The following MEI4 variants were observed in gnomAD, a reference collection of about 807,000 sequenced individuals.
MEI4 encodes meiotic double-stranded break formation protein 4.
Under a neutral mutation model 31.4 loss-of-function variants are expected in MEI4, and 27 were observed. The ratio of observed to expected loss-of-function variants is 0.86; its 90% confidence interval spans 0.63 to 1.19. The LOEUF is 1.19. MEI4 is among the 50% of genes most tolerant of loss of function. The pLI, the probability that MEI4 is intolerant of heterozygous loss-of-function variation, is 0.00. For synonymous variants in MEI4, 122 were observed against 145.4 expected, an observed-to-expected ratio of 0.84 and a Z score of 1.16; for missense variants, 329 against 398.9, an observed-to-expected ratio of 0.82 and a Z score of 1.49.
At chr6:77,741,338 G>A (rs1767394726) in intron 2 of MEI4, among the ~76,000 whole-genome samples, 1 of 152,166 alleles carries the variant, frequency 6.6e-6, no homozygotes. Flanking sequence ...AGATTTTAAG[G>A]AGAGAATTTC....
intron 1 of MEI4, among the ~76,000 whole-genome samples, chr6:77,658,015 T>A (rs537992974): frequency 6.6e-6 from 1 of 152,340 alleles, no homozygotes; most frequent in African/African-American, 2.4e-5. Flanking sequence ...GGCTGTATAG[T>A]AGTTTTCATG....
intron 2 of MEI4, among the ~76,000 whole-genome samples, chr6:77,695,960 T>C (rs544501878): frequency 7.2e-5 from 11 of 152,342 alleles, no homozygotes; most frequent in Admixed American, 5.2e-4. Flanking sequence ...TTTGTAGTTC[T>C]CCTTGAAGAG....
In MEI4 at chr6:77,761,116, C is replaced by A. The variant is rs1192276124; in HGVS notation, c.233-14C>A. The A allele has an allele frequency of 5.7e-6, 7 of 1,231,148 alleles. No individual in the cohort carries two copies. Among genetic ancestry groups the A allele is most frequent in the Non-Finnish European group, 7.1e-6 (7 of 987,228 alleles). The allele number at this position is 1,231,148 out of a possible 1,614,324, so 76.3% of individuals were successfully genotyped here. A position where few individuals can be genotyped will look rare whatever the true frequency, so the allele number is the denominator to read the frequency against. On this transcript the variant is annotated splice_polypyrimidine_tract_variant and intron_variant, in intron 2 of 4. Coordinates refer to ENST00000684080, the MANE Select transcript of MEI4 (RefSeq NM_001322247.2). ...GCTGCATGAAGATAATCCTTCTATTCCTTTATTTTTCAGGATACGTTTCCT... is the reference window on the plus strand; with the variant it reads ...GCTGCATGAAGATAATCCTTCTATTACTTTATTTTTCAGGATACGTTTCCT...
At chr6:77,831,827 G>C (rs1320898665) in intron 4 of MEI4, among the ~76,000 whole-genome samples, 2 of 151,848 alleles carry the variant, frequency 1.3e-5, no homozygotes, top group African/African-American at 2.4e-5. Context: ...GTATTCAATA[G>C]TACAGTTAGT....
chr6:77,656,525 C>A (rs994328649), intron 1 of MEI4, among the ~76,000 whole-genome samples: 2 of 151,972 alleles, frequency 1.3e-5, no homozygotes, highest in Non-Finnish European at 2.9e-5. Flanking sequence ...GTATTTATTT[C>A]TATCTTCACA....
intron 2 of MEI4, among the ~76,000 whole-genome samples, chr6:77,713,099 G>T (rs1462111653): frequency 6.6e-6 from 1 of 152,052 alleles, no homozygotes; most frequent in East Asian, 1.9e-4. Context: ...AGAGTCAGAA[G>T]AATCTGAATT....
intron 2 of MEI4, among the ~76,000 whole-genome samples, chr6:77,700,465 G>C (rs1766190317): frequency 6.6e-6 from 1 of 152,368 alleles, no homozygotes; most frequent in African/African-American, 2.4e-5. Context: ...TTGGATGGGA[G>C]TGACCCGATT....
intron 2 of MEI4, among the ~76,000 whole-genome samples, chr6:77,693,509 G>A (rs992403722): frequency 6.6e-6 from 1 of 152,064 alleles, no homozygotes; most frequent in Non-Finnish European, 1.5e-5. Context: ...CAGTTACAGT[G>A]CCTGTGAGAA....
intron 1 of MEI4, among the ~76,000 whole-genome samples, chr6:77,671,835 C>T (rs1271817736): frequency 6.6e-6 from 1 of 151,988 alleles, no homozygotes; most frequent in Non-Finnish European, 1.5e-5. Flanking sequence ...TTAGGTATGC[C>T]CAGAGGGATG....
At chr6:77,850,173 C>T (rs13211090) in intron 4 of MEI4, among the ~76,000 whole-genome samples, 21,319 of 152,036 alleles carry the variant, frequency 0.14, 1,780 homozygotes, top group East Asian at 0.4. Flanking sequence ...CCTTCACATC[C>T]CTTGTAAGTT....
intron 1 of MEI4, among the ~76,000 whole-genome samples, chr6:77,664,042 C>G (rs1472767234): frequency 6.6e-6 from 1 of 152,198 alleles, no homozygotes; most frequent in African/African-American, 2.4e-5. Context: ...GGAGGAGGTT[C>G]TGGAGGAACG....
chr6:77,867,850 A>T (rs543862085), intron 4 of MEI4, among the ~76,000 whole-genome samples: 3 of 152,344 alleles, frequency 2.0e-5, no homozygotes, highest in African/African-American at 7.2e-5. Flanking sequence ...GGATTAAGCA[A>T]ATGTGACACA....
intron 4 of MEI4, among the ~76,000 whole-genome samples, chr6:77,833,102 T>G (rs1382605025): frequency 6.6e-6 from 1 of 152,160 alleles, no homozygotes; most frequent in Admixed American, 6.5e-5. Context: ...TTATTGTCTT[T>G]TCTTTATCAA....
intron 2 of MEI4, among the ~76,000 whole-genome samples, chr6:77,711,772 ACT>A (rs1766471541): frequency 6.6e-6 from 1 of 152,102 alleles, no homozygotes; most frequent in African/African-American, 2.4e-5. Flanking sequence ...TGTTTCTTCT[ACT>A]CTCAGAACTA....
At chr6:77,835,407 T>TAAA (rs1298674478) in intron 4 of MEI4, among the ~76,000 whole-genome samples, 3 of 75,958 alleles carry the variant, frequency 3.9e-5, no homozygotes, top group Admixed American at 2.9e-4. Flanking sequence ...CACACACAAA[T>TAAA]AAAAAAAAAA....
chr6:77,659,924 A>C (rs569917907), intron 1 of MEI4, among the ~76,000 whole-genome samples: 9 of 152,320 alleles, frequency 5.9e-5, no homozygotes, highest in Non-Finnish European at 1.2e-4. Flanking sequence ...AGAGGTCCAA[A>C]TATGGGGGGA....
chr6:77,850,940 G>GA, intron 4 of MEI4, among the ~76,000 whole-genome samples: 2 of 151,954 alleles, frequency 1.3e-5, no homozygotes, highest in Admixed American at 6.5e-5. Context: ...AAATTTACAA[G>GA]AAAAAAACGA....
intron 4 of MEI4, among the ~76,000 whole-genome samples, chr6:77,905,546 G>C (rs1370343522): frequency 7.7e-6 from 1 of 129,134 alleles, no homozygotes; most frequent in Admixed American, 9.6e-5. Flanking sequence ...TCCCAGGCTG[G>C]AGTGCAGTGG....
intron 4 of MEI4, among the ~76,000 whole-genome samples, chr6:77,849,880 A>T (rs1420902116): frequency 6.6e-6 from 1 of 152,220 alleles, no homozygotes; most frequent in Non-Finnish European, 1.5e-5. Context: ...AGCATTATCC[A>T]TAAATATTTA....
Sources: gnomAD v4.1 joint callset for allele counts (sites outside exome capture counted in the v4.1 genomes callset) on GRCh38, gnomAD v4.1.1 for gene constraint, MANE v1.5 for transcripts, NCBI Gene and HGNC (gene_info 2026-07-23, HGNC 2026-07-21) for gene names.